The following ZNF385D variants were observed in gnomAD, a reference collection of about 807,000 sequenced individuals.
ZNF385D encodes zinc finger protein 659.
Under a neutral mutation model 35.8 loss-of-function variants are expected in ZNF385D, and 15 were observed. The ratio of observed to expected loss-of-function variants is 0.42; its 90% CI spans 0.28 to 0.64. ZNF385D has a LOEUF of 0.64. Among genes scored for constraint, ZNF385D ranks in the 30% least tolerant of loss-of-function variants. The pLI is 0.23. For missense variants in ZNF385D, 474 were observed against 494.6 expected (o/e 0.96, Z 0.39); for synonymous variants, 212 against 186.8 (o/e 1.13, Z -1.10).
intron 1 of ZNF385D, among the ~76,000 whole-genome samples, chr3:21,696,771 A>AT (rs546314752): frequency 6.6e-6 from 1 of 152,322 alleles, no homozygotes; most frequent in African/African-American, 2.4e-5. Context: ...GTGGGGGAAA[A>AT]TCTACTCCTG....
intron 3 of ZNF385D, among the ~76,000 whole-genome samples, chr3:21,840,748 G>A (rs1169695006): frequency 1.3e-5 from 2 of 151,880 alleles, no homozygotes; most frequent in Non-Finnish European, 2.9e-5. Flanking sequence ...TTTGGAATGT[G>A]GTTGGACCGC....
At chr3:21,764,288 T>C (rs777107259) in intron 3 of ZNF385D, among the ~76,000 whole-genome samples, 1 of 152,030 alleles carries the variant, frequency 6.6e-6, no homozygotes, top group Non-Finnish European at 1.5e-5. Context: ...ATAGTATTAG[T>C]TAGGAGAAGT....
chr3:21,587,533 A>G (rs879803973), intron 2 of ZNF385D, among the ~76,000 whole-genome samples: 1 of 152,216 alleles, frequency 6.6e-6, no homozygotes, highest in Admixed American at 6.5e-5. Context: ...TTTTAGAAGG[A>G]TGTGTAGACA....
chr3:21,441,334 C>T (rs7611710), intron 4 of ZNF385D, among the ~76,000 whole-genome samples: 50,566 of 151,958 alleles, frequency 0.33, 10,347 homozygotes, highest in African/African-American at 0.57. Context: ...ACAACATTTG[C>T]ATTATCATCA....
chr3:21,750,861 C>G, intron 1 of ZNF385D, 34 bp downstream of exon 1: 1 of 1,612,912 alleles, frequency 6.2e-7, no homozygotes. Context: ...GAGCCGGACA[C>G]CCCCAGAATT....
intron 3 of ZNF385D, among the ~76,000 whole-genome samples, chr3:21,549,051 T>G (rs1378096460): frequency 6.6e-6 from 1 of 152,236 alleles, no homozygotes; most frequent in Non-Finnish European, 1.5e-5. Context: ...TATGAATGTA[T>G]CTACTGGTCA....
chr3:21,693,726 T>G (rs2067360454), intron 1 of ZNF385D, among the ~76,000 whole-genome samples: 1 of 152,144 alleles, frequency 6.6e-6, no homozygotes, highest in African/African-American at 2.4e-5. Flanking sequence ...TTTAAACGTG[T>G]TTCATAGATG....
intron 3 of ZNF385D, among the ~76,000 whole-genome samples, chr3:21,854,618 G>A (rs927735856): frequency 1.3e-5 from 2 of 151,890 alleles, no homozygotes; most frequent in African/African-American, 4.8e-5. Flanking sequence ...TGCTGTACCT[G>A]TAGCAGCATC....
chr3:21,864,266 T>C (rs1482694350), intron 3 of ZNF385D, among the ~76,000 whole-genome samples: 4 of 152,122 alleles, frequency 2.6e-5, no homozygotes, highest in African/African-American at 9.7e-5. Flanking sequence ...GTTCATGAAG[T>C]CTGATAGCTT....
chr3:22,042,362 T>C (rs1408406978), intron 3 of ZNF385D, among the ~76,000 whole-genome samples: 4 of 152,246 alleles, frequency 2.6e-5, no homozygotes, highest in East Asian at 3.9e-4. Context: ...ATTATTACTA[T>C]ACAGTTGACG....
At chr3:22,366,513 T>C (rs1345498727) in intron 2 of ZNF385D, among the ~76,000 whole-genome samples, 1 of 152,158 alleles carries the variant, frequency 6.6e-6, no homozygotes, top group Non-Finnish European at 1.5e-5. Flanking sequence ...ATTAAAATAA[T>C]GTACTTTAAA....
At chr3:22,097,798 AACC>A (rs1486496629) in intron 3 of ZNF385D, among the ~76,000 whole-genome samples, 1 of 152,058 alleles carries the variant, frequency 6.6e-6, no homozygotes, top group Non-Finnish European at 1.5e-5. Flanking sequence ...GGGCACTAGG[AACC>A]ACATTTCTGT....
chr3:21,599,909 G>A (rs1005755341), intron 2 of ZNF385D, among the ~76,000 whole-genome samples: 4 of 152,162 alleles, frequency 2.6e-5, no homozygotes, highest in African/African-American at 7.2e-5. Context: ...GATGGTTAAG[G>A]CATTCTAAAT....
rs2063384108 is a variant in ZNF385D, at chr3:21,573,181, A to AATCAATTAGGTTCTCTAG, written c.166-8515_166-8498dup. Among the ~76,000 whole-genome samples, 7 of 152,332 alleles carry AATCAATTAGGTTCTCTAG rather than the reference A, an allele frequency of 4.6e-5. No individual in the cohort carries two copies. In the South Asian group the frequency reaches 1.4e-3, roughly 32 times the overall value. On this transcript the variant is annotated intron_variant, in intron 2 of 7. Transcript: ENST00000281523. ...GAAAAGGAAATGTCTACACCCTCTA[A>AATCAATTAGGTTCTCTAG]ATCAATTAGGTTCTCTAGATATACA... is the stretch of plus-strand genomic sequence containing the variant.
chr3:21,655,410 G>A (rs1482294038), intron 2 of ZNF385D, among the ~76,000 whole-genome samples: 1 of 151,920 alleles, frequency 6.6e-6, no homozygotes, highest in East Asian at 1.9e-4. Context: ...GTTTTACAAA[G>A]CCTAAATTGT....
chr3:21,732,240 C>G lies in ZNF385D; in HGVS notation c.22+18655G>C, dbSNP rs567953728. Among the ~76,000 whole-genome samples, 3 of 151,534 alleles carry G rather than the reference C, an allele frequency of 2.0e-5. No individual in the cohort carries two copies. In the South Asian group the frequency reaches 6.3e-4, roughly 32 times the overall value. On this transcript the variant is annotated intron_variant, in intron 1 of 7. Coordinates refer to ENST00000281523, the MANE Select transcript of ZNF385D (RefSeq NM_024697.3). ...AATTTTTTTGTATTTTTAGTAGACACGGGGTTTCACCATGTTGGCCAGTCT... is the reference window on the plus strand; with the variant it reads ...AATTTTTTTGTATTTTTAGTAGACAGGGGGTTTCACCATGTTGGCCAGTCT...
At chr3:21,677,442 G>T (rs1183564025) in intron 1 of ZNF385D, among the ~76,000 whole-genome samples, 3 of 151,994 alleles carry the variant, frequency 2.0e-5, no homozygotes, top group African/African-American at 7.2e-5. Context: ...CTCAACTCAG[G>T]CTGAGCCAGA....
chr3:22,249,358 A>G (rs994077979), intron 2 of ZNF385D, among the ~76,000 whole-genome samples: 1 of 152,132 alleles, frequency 6.6e-6, no homozygotes, highest in Non-Finnish European at 1.5e-5. Flanking sequence ...GTAACAGAAA[A>G]TATTTTTGTT....
intron 2 of ZNF385D, among the ~76,000 whole-genome samples, chr3:22,362,793 A>G (rs552630561): frequency 1.3e-5 from 2 of 152,230 alleles, no homozygotes; most frequent in African/African-American, 2.4e-5. Flanking sequence ...AAATTGCAGA[A>G]TATGTTTAGA....
Sources: gnomAD v4.1 joint callset for allele counts (sites outside exome capture counted in the v4.1 genomes callset) on GRCh38, gnomAD v4.1.1 for gene constraint, MANE v1.5 for transcripts, NCBI Gene and HGNC (gene_info 2026-07-23, HGNC 2026-07-21) for gene names.